The following KCNH7 variants were observed in gnomAD, a reference collection of about 807,000 sequenced individuals.
KCNH7 encodes the protein voltage-gated inwardly rectifying potassium channel KCNH7.
In KCNH7, 49 loss-of-function variants were observed where a neutral mutation model predicts 120.8. The ratio of observed to expected loss-of-function variants is 0.41; its 90% CI spans 0.32 to 0.51. The LOEUF is 0.51. Ranked by LOEUF, KCNH7 falls within the 20% of genes least tolerant of loss-of-function variation. The probability of loss-of-function intolerance (pLI) is 0.38; values close to 1 mark genes in which losing one functional copy is unlikely to be tolerated. For synonymous variants in KCNH7, 547 were observed against 516.1 expected, an observed-to-expected ratio of 1.06 and a Z score of -0.81; for missense variants, 1,097 against 1,446.6, an observed-to-expected ratio of 0.76 and a Z score of 3.92.
At chr2:162,374,619 T>G (rs1441753895) in intron 14 of KCNH7, among the ~76,000 whole-genome samples, 1 of 152,154 alleles carries the variant, frequency 6.6e-6, no homozygotes, top group East Asian at 1.9e-4. Flanking sequence ...TTTGCCCAAT[T>G]AAATTCATGC....
At chr2:162,484,939 C>T (rs1464597826) in intron 6 of KCNH7, among the ~76,000 whole-genome samples, 4 of 152,132 alleles carry the variant, frequency 2.6e-5, no homozygotes, top group East Asian at 1.9e-4. Flanking sequence ...TTCCAGCCAT[C>T]CAGAATCATG....
At chr2:162,421,509 A>T (rs1490535694) in intron 9 of KCNH7, among the ~76,000 whole-genome samples, 3 of 152,126 alleles carry the variant, frequency 2.0e-5, no homozygotes, top group Non-Finnish European at 4.4e-5. Flanking sequence ...ATCATGCAAA[A>T]AAGTTCAGAA....
In KCNH7 at chr2:162,469,598, G is replaced by T. The variant is rs187728465; in HGVS notation, c.1129-23155C>A. Among the ~76,000 whole-genome samples, 68 of 152,230 alleles carry T rather than the reference G, an allele frequency of 4.5e-4. 1 individual carries two copies. Among genetic ancestry groups the T allele is most frequent in the Admixed American group, 4.2e-3 (65 of 15,296 alleles). The stretch of plus-strand genomic sequence containing the variant: ...ACGTTCCACTATCAAAGCCCGGTGG[G>T]GTGAGAGCTGTGGTCCTCGAGCCTT... On this transcript the variant is annotated intron_variant, in intron 6 of 15. Coordinates refer to ENST00000332142, the MANE Select transcript of KCNH7 (RefSeq NM_033272.4).
chr2:162,664,638 C>T (rs934515439), intron 2 of KCNH7, among the ~76,000 whole-genome samples: 1 of 152,034 alleles, frequency 6.6e-6, no homozygotes, highest in Non-Finnish European at 1.5e-5. Flanking sequence ...ATTGAAATAT[C>T]GTAGATTACA....
At chr2:162,438,167 T>C (rs1322002075) in intron 7 of KCNH7, among the ~76,000 whole-genome samples, 1 of 152,188 alleles carries the variant, frequency 6.6e-6, no homozygotes, top group African/African-American at 2.4e-5. Context: ...TGAAAAGCTT[T>C]AAAATAAATG....
At chr2:162,721,771 G>C (rs1162857554) in intron 2 of KCNH7, among the ~76,000 whole-genome samples, 43 of 151,740 alleles carry the variant, frequency 2.8e-4, no homozygotes, top group Admixed American at 2.8e-3. Context: ...AAAATTTCAG[G>C]TATTATAAAA....
chr2:162,487,555 G>T (rs1690144258), intron 6 of KCNH7, among the ~76,000 whole-genome samples: 1 of 152,108 alleles, frequency 6.6e-6, no homozygotes, highest in African/African-American at 2.4e-5. Context: ...TGAGGAAGAT[G>T]ATATCTAAGG....
At chr2:162,562,014 A>T (rs1214309167) in intron 2 of KCNH7, among the ~76,000 whole-genome samples, 1 of 152,108 alleles carries the variant, frequency 6.6e-6, no homozygotes, top group East Asian at 1.9e-4. Context: ...GATCAATGAG[A>T]ACACATGGAC....
At chr2:162,372,409 G>C (rs193004766) in intron 15 of KCNH7, among the ~76,000 whole-genome samples, 1 of 152,048 alleles carries the variant, frequency 6.6e-6, no homozygotes, top group Admixed American at 6.6e-5. Flanking sequence ...AGACAAATTG[G>C]GATGAGGAAT....
chr2:162,555,908 T>C (rs911221098), intron 2 of KCNH7, among the ~76,000 whole-genome samples: 3 of 152,212 alleles, frequency 2.0e-5, no homozygotes, highest in Admixed American at 1.3e-4. Flanking sequence ...AATAAAGATG[T>C]TAATTTCAGT....
intron 2 of KCNH7, among the ~76,000 whole-genome samples, chr2:162,759,241 G>C (rs183238739): frequency 2.0e-5 from 3 of 152,246 alleles, no homozygotes; most frequent in East Asian, 1.9e-4. Context: ...GCCCAAGTCA[G>C]AGGAGTAAAT....
intron 2 of KCNH7, among the ~76,000 whole-genome samples, chr2:162,670,664 C>T (rs1323415535): frequency 6.6e-6 from 1 of 151,454 alleles, no homozygotes; most frequent in Non-Finnish European, 1.5e-5. Flanking sequence ...ATGTAGGCTA[C>T]ATTTCCTAGG....
chr2:162,820,832 C>A (rs1276971228), intron 2 of KCNH7, among the ~76,000 whole-genome samples: 1 of 152,076 alleles, frequency 6.6e-6, no homozygotes, highest in Admixed American at 6.5e-5. Flanking sequence ...CTGCACTTTT[C>A]TCTTGAAATT....
At chr2:162,766,463 T>C (rs1299466109) in intron 2 of KCNH7, among the ~76,000 whole-genome samples, 1 of 152,176 alleles carries the variant, frequency 6.6e-6, no homozygotes, top group African/African-American at 2.4e-5. Flanking sequence ...ACCCCTTTGT[T>C]GTCACAATAA....
At chr2:162,625,498 T>G (rs897016007) in intron 2 of KCNH7, among the ~76,000 whole-genome samples, 1 of 152,156 alleles carries the variant, frequency 6.6e-6, no homozygotes, top group African/African-American at 2.4e-5. Context: ...GAGGAAGCAT[T>G]TTAGGGGTAC....
At chr2:162,725,424 A>G (rs528652619) in intron 2 of KCNH7, among the ~76,000 whole-genome samples, 42 of 152,288 alleles carry the variant, frequency 2.8e-4, no homozygotes, top group African/African-American at 1.0e-3. Context: ...ATTATAACCA[A>G]AAATCTTTAA....
intron 6 of KCNH7, among the ~76,000 whole-genome samples, chr2:162,469,530 T>G (rs545933942): frequency 3.3e-5 from 5 of 152,314 alleles, no homozygotes; most frequent in African/African-American, 1.2e-4. Flanking sequence ...GCTTTTGGTT[T>G]TTGTTTGTTT....
At chr2:162,535,255 A>T (rs915103700) in intron 3 of KCNH7, among the ~76,000 whole-genome samples, 1 of 151,768 alleles carries the variant, frequency 6.6e-6, no homozygotes, top group Non-Finnish European at 1.5e-5. Context: ...GACAAGAGAA[A>T]ACTATGAGAT....
intron 2 of KCNH7, among the ~76,000 whole-genome samples, chr2:162,674,110 C>T (rs908809416): frequency 4.6e-5 from 7 of 151,612 alleles, no homozygotes; most frequent in African/African-American, 1.7e-4. Flanking sequence ...GCAGATGACA[C>T]ATTTATATAC....
Sources: gnomAD v4.1 joint callset for allele counts (sites outside exome capture counted in the v4.1 genomes callset) on GRCh38, gnomAD v4.1.1 for gene constraint, MANE v1.5 for transcripts, NCBI Gene and HGNC (gene_info 2026-07-23, HGNC 2026-07-21) for gene names.